Variants in DIP2C observed in about 807,000 individuals in gnomAD.
The protein encoded by DIP2C is disco-interacting protein 2 homolog C.
A neutral mutation model predicts 192.4 loss-of-function variants in DIP2C; 33 were observed. The ratio of observed to expected loss-of-function variants is 0.17; its 90% CI spans 0.13 to 0.23. The LOEUF (loss-of-function observed/expected upper bound fraction) is 0.23, where lower values mean the gene tolerates loss of function less well. DIP2C is among the 10% of genes least tolerant of loss of function. DIP2C has a pLI of 1.00. For synonymous variants in DIP2C, 979 were observed against 864.1 expected, an observed-to-expected ratio of 1.13 and a Z score of -2.33; for missense variants, 1,537 against 2,110.1, an observed-to-expected ratio of 0.73 and a Z score of 5.32.
chr10:342,515 T>C (rs571964325), intron 28 of DIP2C, among the ~76,000 whole-genome samples: 7 of 152,304 alleles, frequency 4.6e-5, no homozygotes, highest in Admixed American at 6.5e-5. Context: ...CCACGGTGCA[T>C]TCCTCTGCTG....
intron 1 of DIP2C, among the ~76,000 whole-genome samples, chr10:565,354 T>TAAAATAAA (rs376030794): frequency 5.3e-5 from 6 of 114,136 alleles, no homozygotes; most frequent in South Asian, 2.8e-4. Context: ...ACCTGCATTC[T>TAAAATAAA]AAAAAAAAAA....
At position 422,807 on chromosome 10, in the gene DIP2C, CCG is replaced by C. The variant is rs762213723; in HGVS notation, c.604+15_604+16del. The C allele has an allele frequency of 2.5e-6, 4 of 1,605,790 alleles. No homozygotes were observed. Among genetic ancestry groups the C allele is most frequent in the Non-Finnish European group, 3.4e-6 (4 of 1,177,784 alleles). On this transcript the variant is annotated intron_variant, in intron 5 of 36. Coordinates refer to ENST00000280886, the MANE Select transcript of DIP2C (RefSeq NM_014974.3). ...TTTACACAACAGGCACAGAAAGACA[CCG>C]TGAAGCGTGCTCACCTATGTGGGTC...
chr10:378,898 TAA>T (rs1192887352), intron 17 of DIP2C, among the ~76,000 whole-genome samples: 9 of 152,208 alleles, frequency 5.9e-5, no homozygotes, highest in Non-Finnish European at 1.3e-4. Context: ...CAGACATGCA[TAA>T]AGACACGGAC....
chr10:470,947 G>T (rs1970579936), intron 3 of DIP2C, among the ~76,000 whole-genome samples: 1 of 152,180 alleles, frequency 6.6e-6, no homozygotes, highest in Admixed American at 6.5e-5. Flanking sequence ...TGTCTGCATG[G>T]CAGCACTGAC....
intron 1 of DIP2C, among the ~76,000 whole-genome samples, chr10:516,030 C>T (rs1029121174): frequency 2.6e-5 from 4 of 151,318 alleles, no homozygotes; most frequent in African/African-American, 9.7e-5. Context: ...AGGGGCTTCC[C>T]CAGGAAGATC....
At chr10:389,621 G>A (rs989355922) in intron 13 of DIP2C, among the ~76,000 whole-genome samples, 2 of 152,210 alleles carry the variant, frequency 1.3e-5, no homozygotes, top group African/African-American at 4.8e-5. Flanking sequence ...GCGTGGCTGT[G>A]TGGAGAGCGC....
chr10:522,052 C>T (rs1384407332), intron 1 of DIP2C, among the ~76,000 whole-genome samples: 1 of 151,912 alleles, frequency 6.6e-6, no homozygotes, highest in Non-Finnish European at 1.5e-5. Flanking sequence ...GGAGTTGCTT[C>T]CCCACCCTAA....
At chr10:391,780 G>A (rs1700894784) in intron 10 of DIP2C, among the ~76,000 whole-genome samples, 1 of 152,200 alleles carries the variant, frequency 6.6e-6, no homozygotes, top group African/African-American at 2.4e-5. Context: ...TACAAGGCCT[G>A]GTTGCTGTCA....
At chr10:545,639 AG>A (rs1023257192) in intron 1 of DIP2C, among the ~76,000 whole-genome samples, 13 of 152,224 alleles carry the variant, frequency 8.5e-5, no homozygotes, top group Non-Finnish European at 7.3e-5. Flanking sequence ...AAAGGAAATA[AG>A]ATGCTGTTTA....
chr10:548,505 A>AGGAGGGAG (rs148379693), intron 1 of DIP2C, among the ~76,000 whole-genome samples: 8 of 133,224 alleles, frequency 6.0e-5, no homozygotes, highest in South Asian at 5.1e-4. Context: ...TGATGTGGCC[A>AGGAGGGAG]GGAGGGAGGG....
chr10:370,036 T>C, intron 17 of DIP2C: 4 of 985,422 alleles, frequency 4.1e-6, no homozygotes, highest in Non-Finnish European at 4.8e-6. Context: ...TGGAGGGTGG[T>C]GCATCCACTC....
chr10:640,157 C>A (rs1250465925), intron 1 of DIP2C, among the ~76,000 whole-genome samples: 1 of 152,252 alleles, frequency 6.6e-6, no homozygotes, highest in Non-Finnish European at 1.5e-5. Context: ...GCACCTACCA[C>A]GCGGCTAACA....
rs776409602 is a variant in DIP2C at position 423,029 on chromosome 10, G to A, written c.399C>T (p.Thr133=). The change falls in exon 5 of 37, where the codon ACC becomes ACT. Residue 133 remains threonine (T), a synonymous_variant. Coordinates refer to ENST00000280886, the MANE Select transcript of DIP2C (RefSeq NM_014974.3). ...TSMDAYTPPD[T]SSGSEDEGSV... ...AGCCTTCATCTTCTGAGCCAGAAGA[G>A]GTATCTGTGTAAGAAGAAAGGTGAT... 6.2e-7 allele frequency: 1 copy of A among 1,606,090 alleles called. No individual in the cohort carries two copies. The highest frequency in any genetic ancestry group is 1.1e-5 in the South Asian group (1 of 90,104).
intron 2 of DIP2C, among the ~76,000 whole-genome samples, chr10:473,500 G>A (rs377388960): frequency 4.6e-5 from 7 of 151,288 alleles, no homozygotes; most frequent in African/African-American, 9.8e-5. Context: ...CAGAAAGGAC[G>A]TCACCCCCAC....
chr10:542,175 C>T (rs796101843), intron 1 of DIP2C, among the ~76,000 whole-genome samples: 2 of 152,216 alleles, frequency 1.3e-5, no homozygotes, highest in African/African-American at 4.8e-5. Flanking sequence ...CACCCTGTGA[C>T]GGCTCACTCC....
intron 31 of DIP2C, among the ~76,000 whole-genome samples, chr10:314,484 C>G (rs1956693347): frequency 6.6e-6 from 1 of 152,194 alleles, no homozygotes; most frequent in Non-Finnish European, 1.5e-5. Flanking sequence ...CGGCACCAGC[C>G]AGGATTTCCT....
chr10:675,922 A>T (rs1005635439), intron 1 of DIP2C, among the ~76,000 whole-genome samples: 9 of 152,240 alleles, frequency 5.9e-5, no homozygotes, highest in Non-Finnish European at 1.3e-4. Flanking sequence ...CAAGGCCAGC[A>T]TTACCCTGAT....
At chr10:383,963 GAAAAAA>G (rs5782550) in intron 16 of DIP2C, 58 bp downstream of exon 16, 14 of 1,179,600 alleles carry the variant, frequency 1.2e-5, no homozygotes, top group South Asian at 4.9e-5. Flanking sequence ...CCTGCCTCAC[GAAAAAA>G]AAAAAAAAAA....
chr10:320,640 T>C (rs892100767), intron 31 of DIP2C, among the ~76,000 whole-genome samples: 3 of 152,128 alleles, frequency 2.0e-5, no homozygotes, highest in African/African-American at 7.2e-5. Context: ...TGCTCTTAGC[T>C]GAGTGTGGTG....
Sources: gnomAD v4.1 joint callset for allele counts (sites outside exome capture counted in the v4.1 genomes callset) on GRCh38, gnomAD v4.1.1 for gene constraint, MANE v1.5 for transcripts, NCBI Gene and HGNC (gene_info 2026-07-23, HGNC 2026-07-21) for gene names.